EIF4E3: variants seen among roughly 807,000 people sequenced by gnomAD.
EIF4E3 encodes the protein eukaryotic translation initiation factor 4E type 3.
A neutral mutation model predicts 31.7 loss-of-function variants in EIF4E3; 26 were observed. The ratio of observed to expected loss-of-function variants is 0.82; its 90% CI spans 0.60 to 1.14. The LOEUF is 1.14. EIF4E3 is among the 50% of genes most tolerant of loss of function. EIF4E3 has a pLI of 0.00. For missense variants in EIF4E3, 304 were observed against 270.9 expected (o/e 1.12, Z -0.86); for synonymous variants, 128 against 107.7 (o/e 1.19, Z -1.17).
chr3:71,672,981 T>C (rs2048854727), downstream of EIF4E3, among the ~76,000 whole-genome samples: 1 of 152,122 alleles, frequency 6.6e-6, no homozygotes, highest in Non-Finnish European at 1.5e-5. Context: ...AAAAGACCAC[T>C]GTGAGTGAGA....
intron 2 of EIF4E3, among the ~76,000 whole-genome samples, chr3:71,706,336 C>G (rs201971490): frequency 4.6e-5 from 7 of 152,106 alleles, no homozygotes; most frequent in Non-Finnish European, 1.0e-4. Context: ...GACGGGGTAA[C>G]GATTCCTCTC....
chr3:71,691,346 T>A (rs2049060783), intron 5 of EIF4E3, among the ~76,000 whole-genome samples: 1 of 152,258 alleles, frequency 6.6e-6, no homozygotes, highest in African/African-American at 2.4e-5. Context: ...TCCAATTTAC[T>A]AAAAGAAATA....
chr3:71,733,175 C>T (rs540524371), intron 1 of EIF4E3, among the ~76,000 whole-genome samples: 156 of 152,302 alleles, frequency 1.0e-3, no homozygotes, highest in Non-Finnish European at 1.6e-3. Flanking sequence ...CCAGAAAACC[C>T]TTTGGTCCTG....
At chr3:71,714,219 A>G (rs550920725) in intron 1 of EIF4E3, among the ~76,000 whole-genome samples, 42 of 148,770 alleles carry the variant, frequency 2.8e-4, no homozygotes, top group Middle Eastern at 6.8e-3. Context: ...TCTCAAAAAA[A>G]AGAAAGAAAG....
chr3:71,693,769 T>G, intron 5 of EIF4E3, 106 bp downstream of exon 5: 1 of 1,122,222 alleles, frequency 8.9e-7, no homozygotes, highest in Non-Finnish European at 1.2e-6. Context: ...ATAAACAACT[T>G]CAAAACATGT....
intron 2 of EIF4E3, among the ~76,000 whole-genome samples, chr3:71,708,856 C>T (rs1340091370): frequency 6.6e-6 from 1 of 152,150 alleles, no homozygotes; most frequent in Non-Finnish European, 1.5e-5. Flanking sequence ...GACAGTGGTG[C>T]TGCCTTGAGG....
At chr3:71,720,841 G>A (rs747159303) in intron 1 of EIF4E3, among the ~76,000 whole-genome samples, 3 of 152,148 alleles carry the variant, frequency 2.0e-5, no homozygotes, top group Non-Finnish European at 4.4e-5. Flanking sequence ...CAGAGAGAGG[G>A]CATGGAGAGA....
At chr3:71,742,407 T>C (rs1553669293) in intron 1 of EIF4E3, among the ~76,000 whole-genome samples, 1 of 152,072 alleles carries the variant, frequency 6.6e-6, no homozygotes, top group Non-Finnish European at 1.5e-5. Context: ...CAAATTCCTT[T>C]AAAGACATAA....
chr3:71,733,959 C>T (rs1045373711), intron 1 of EIF4E3, among the ~76,000 whole-genome samples: 4 of 152,226 alleles, frequency 2.6e-5, no homozygotes, highest in African/African-American at 4.8e-5. Context: ...CAGAAGGACA[C>T]TTGCAGTGTT....
intron 5 of EIF4E3, among the ~76,000 whole-genome samples, chr3:71,691,574 CA>C (rs2049064023): frequency 6.6e-6 from 1 of 152,242 alleles, no homozygotes; most frequent in South Asian, 2.1e-4. Flanking sequence ...GGAAAGAGAG[CA>C]GGGGGGATCC....
downstream of EIF4E3, among the ~76,000 whole-genome samples, chr3:71,674,090 C>CTTTT (rs71277509): frequency 6.9e-3 from 174 of 25,072 alleles, 60 homozygotes; most frequent in Non-Finnish European, 0.013. Flanking sequence ...ATCAACTGTA[C>CTTTT]TTTTTTTTTT....
rs140857765 is a variant in EIF4E3 at position 71,746,323 on chromosome 3, T to A, written c.-291+7140A>T. Among the ~76,000 whole-genome samples the A allele has an allele frequency of 6.6e-4, 100 of 152,348 alleles. 1 individual carries two copies. Among genetic ancestry groups the A allele is most frequent in the Admixed American group, 1.5e-3 (23 of 15,302 alleles). On this transcript the variant is annotated intron_variant, in intron 1 of 7. Transcript: ENST00000295612. ...AAACAGCTTAGTGCATTTTTGGATC[T>A]AAAAAATGATAGCTTTTCTAGTGGC...
rs373624243 is a variant in EIF4E3, at chr3:71,690,164, A to G, written c.474T>C (p.Asp158=). 6.2e-5 allele frequency: 99 copies of G among 1,601,536 alleles called. No homozygotes were observed. Among genetic ancestry groups the G allele is most frequent in the Middle Eastern group, 1.7e-4 (1 of 5,998 alleles). ...GEQFTDCAAA[D]DEVIGVSVSV... is the part of the protein sequence containing the mutation. The stretch of plus-strand genomic sequence containing the variant: ...TGACACTAACTCCTATTACTTCATC[A>G]TCTGAGGGGAAGACAGGAAAAAAAA... The change falls in exon 6 of 7, where the codon GAT becomes GAC. Residue 158 remains aspartate, a splice_region_variant and synonymous_variant. Coordinates refer to ENST00000425534, the MANE Select transcript of EIF4E3 (RefSeq NM_001134651.2).
intron 5 of EIF4E3, among the ~76,000 whole-genome samples, chr3:71,691,710 A>T (rs1465844995): frequency 6.6e-6 from 1 of 152,234 alleles, no homozygotes; most frequent in Non-Finnish European, 1.5e-5. Context: ...TGCCACATTT[A>T]AACAAAAGAG....
At chr3:71,674,822 T>A (rs536789965), downstream of EIF4E3, among the ~76,000 whole-genome samples, 60 of 152,348 alleles carry the variant, frequency 3.9e-4, 1 homozygote, top group African/African-American at 1.4e-3. Flanking sequence ...CATATGTTAC[T>A]GGCTTTGAAG....
chr3:71,750,849 C>T (rs969932586), intron 1 of EIF4E3, among the ~76,000 whole-genome samples: 5 of 151,790 alleles, frequency 3.3e-5, no homozygotes, highest in East Asian at 2.0e-4. Context: ...CTGCAAGCTC[C>T]GCCTCCCGGG....
At chr3:71,746,210 A>G (rs2049871092) in intron 1 of EIF4E3, among the ~76,000 whole-genome samples, 1 of 152,190 alleles carries the variant, frequency 6.6e-6, no homozygotes, top group Non-Finnish European at 1.5e-5. Flanking sequence ...ACCACAGACT[A>G]TGGTTAATTG....
chr3:71,671,665 G>A (rs1397098550), downstream of EIF4E3, among the ~76,000 whole-genome samples: 2 of 152,088 alleles, frequency 1.3e-5, no homozygotes, highest in Non-Finnish European at 2.9e-5. Context: ...GGGCGGCGGG[G>A]CGGCTGCGTG....
chr3:71,700,596 AG>A (rs1205136469), intron 2 of EIF4E3, among the ~76,000 whole-genome samples: 7 of 142,842 alleles, frequency 4.9e-5, no homozygotes, highest in Non-Finnish European at 7.5e-5. Context: ...CCTGGGCAAC[AG>A]GGCGAGACTC....
Sources: gnomAD v4.1 joint callset for allele counts (sites outside exome capture counted in the v4.1 genomes callset) on GRCh38, gnomAD v4.1.1 for gene constraint, MANE v1.5 for transcripts, NCBI Gene and HGNC (gene_info 2026-07-23, HGNC 2026-07-21) for gene names.